Variants in LRBA observed in about 807,000 individuals in gnomAD.
The protein encoded by LRBA is LPS responsive beige-like anchor protein.
In LRBA, 176 loss-of-function variants were observed where a neutral mutation model predicts 330.0. The ratio of observed to expected loss-of-function variants is 0.53; its 90% confidence interval spans 0.47 to 0.60. The LOEUF is 0.60. LRBA is among the 20% of genes least tolerant of loss of function. The probability of loss-of-function intolerance (pLI) is 0.00; values close to 1 mark genes in which losing one functional copy is unlikely to be tolerated. For missense variants in LRBA, 3,259 were observed against 3,444.8 expected, an observed-to-expected ratio of 0.95 and a Z score of 1.35; for synonymous variants, 1,230 against 1,193.0, an observed-to-expected ratio of 1.03 and a Z score of -0.64.
Position 150,467,765 on chromosome 4 carries a change from T to G in LRBA, c.6688A>C (p.Asn2230His). Reference protein sequence around the residue: ...TIAGRSYNDLNQYPVFPWVIT... With the variant: ...TIAGRSYNDLHQYPVFPWVIT... Reference sequence around the variant, plus strand: ...ACCCAAGGAAACACTGGATACTGATTTAAGTCATTATAACTCCGTCCTGAT... The same window carrying G: ...ACCCAAGGAAACACTGGATACTGATGTAAGTCATTATAACTCCGTCCTGAT... The change falls in exon 44 of 57, where the codon AAT becomes CAT. Residue 2230 changes from asparagine to histidine, a missense_variant. By Grantham distance (68) the Asn-to-His change is moderately conservative. Transcript: ENST00000651943. 6.3e-7 allele frequency: 1 copy of G among 1,585,160 alleles called. No homozygotes were observed. Among genetic ancestry groups the G allele is most frequent in the Non-Finnish European group, 8.6e-7 (1 of 1,157,236 alleles).
At chr4:150,483,876 T>C (rs1344397328) in intron 42 of LRBA, among the ~76,000 whole-genome samples, 2 of 151,570 alleles carry the variant, frequency 1.3e-5, no homozygotes, top group Non-Finnish European at 2.9e-5. Flanking sequence ...TCTATATGTA[T>C]TTATTTTTTG....
intron 37 of LRBA, among the ~76,000 whole-genome samples, chr4:150,643,148 T>C (rs746061030): frequency 6.6e-6 from 1 of 151,858 alleles, no homozygotes; most frequent in Non-Finnish European, 1.5e-5. Context: ...AGGCTGGGCA[T>C]ATCTAAATGA....
At chr4:150,535,726 A>T (rs1223015560) in intron 40 of LRBA, among the ~76,000 whole-genome samples, 1 of 152,150 alleles carries the variant, frequency 6.6e-6, no homozygotes. Flanking sequence ...ACATTTTCCT[A>T]TGTTGTTTCC....
intron 36 of LRBA, among the ~76,000 whole-genome samples, chr4:150,728,037 A>C (rs896448857): frequency 6.6e-6 from 1 of 152,180 alleles, no homozygotes; most frequent in African/African-American, 2.4e-5. Flanking sequence ...ATTACAACTG[A>C]TACGGTAGAA....
chr4:150,559,739 ATATAT>A (rs1487834905), intron 40 of LRBA, among the ~76,000 whole-genome samples: 2 of 88,276 alleles, frequency 2.3e-5, no homozygotes, highest in Non-Finnish European at 4.1e-5. Flanking sequence ...ATATAATATA[ATATAT>A]AATATATATA....
chr4:150,437,970 T>C (rs1239040121), intron 44 of LRBA, among the ~76,000 whole-genome samples: 1 of 152,216 alleles, frequency 6.6e-6, no homozygotes, highest in African/African-American at 2.4e-5. Flanking sequence ...AAATTCTGTG[T>C]GATCAAGCCT....
chr4:150,949,704 T>C (rs1736620671), intron 2 of LRBA, among the ~76,000 whole-genome samples: 5 of 152,092 alleles, frequency 3.3e-5, no homozygotes, highest in Admixed American at 3.3e-4. Flanking sequence ...AAGAAAACTA[T>C]ATTAACCTAA....
intron 17 of LRBA, 76 bp downstream of exon 17, chr4:150,892,975 TA>T: frequency 1.1e-6 from 1 of 876,494 alleles, no homozygotes; most frequent in South Asian, 1.9e-5. Flanking sequence ...TAAGTTTAAA[TA>T]ATCCTTTTCA....
Position 150,852,337 on chromosome 4 carries a change from G to A in LRBA, c.3373C>T (p.Leu1125=), listed in dbSNP as rs138238756. 216 of 1,613,814 alleles carry A rather than the reference G, an allele frequency of 1.3e-4. No homozygotes were observed. The highest frequency in any genetic ancestry group is 1.6e-4 in the Non-Finnish European group (192 of 1,180,000). The change falls in exon 23 of 57, where the codon CTA becomes TTA. Residue 1125 remains leucine, a synonymous_variant. Coordinates refer to ENST00000651943, the MANE Select transcript of LRBA (RefSeq NM_001364905.1). ...CTGTTATCTTGGAGCTCTGTGGGTA[G>A]ATTAGCTTCCTCAGTAGGACTGCCT... The part of the protein sequence containing the change: ...VEGSPTEEAN[L]PTELQDNSLS...
rs761120687 is a variant in LRBA at position 150,849,469 on chromosome 4, C to T, written c.4111G>A (p.Ala1371Thr). 6.2e-7 allele frequency: 1 copy of T among 1,613,812 alleles called. No individual in the cohort carries two copies. The highest frequency in any genetic ancestry group is 8.5e-7 in the Non-Finnish European group (1 of 1,179,726). ...AGCAATGGCAGTATACCCCCACAAG[C>T]CATGACCATATTGTCCATCACTTGA... The part of the protein sequence containing the change: ...ISQVMDNMVM[A>T]CGGILPLLSA... Residue 1371 changes from alanine to threonine, a missense_variant, in exon 25 of 57, where the codon GCT becomes ACT. Physicochemically the swap from Ala to Thr is moderately conservative, Grantham distance 58. Coordinates refer to ENST00000651943, the MANE Select transcript of LRBA (RefSeq NM_001364905.1).
At chr4:150,380,029 A>T (rs1045215732) in intron 47 of LRBA, among the ~76,000 whole-genome samples, 4 of 136,416 alleles carry the variant, frequency 2.9e-5, no homozygotes, top group Non-Finnish European at 6.3e-5. Flanking sequence ...AAAAAAAAAA[A>T]TTAGCCAGGT....
chr4:150,528,367 G>C (rs1466562268), intron 40 of LRBA, among the ~76,000 whole-genome samples: 10 of 152,020 alleles, frequency 6.6e-5, no homozygotes, highest in Non-Finnish European at 1.3e-4. Flanking sequence ...CAGGCGTGGT[G>C]GTGGGCGCCT....
rs1560902517 is a variant in LRBA at position 150,844,095 on chromosome 4, C to G, written c.4569+5G>C. 5.2e-6 allele frequency: 8 copies of G among 1,543,850 alleles called. No individual in the cohort carries two copies. The highest frequency in any genetic ancestry group is 7.2e-6 in the Non-Finnish European group (8 of 1,118,100). ...AGAGTATGTGAAAGACATATTGTAA[C>G]TTACTATGTCTCTGAAAACAACTGC... On this transcript the variant is annotated splice_donor_5th_base_variant and intron_variant, in intron 28 of 56. Transcript: ENST00000651943.
At chr4:150,983,611 C>A (rs896764236) in intron 2 of LRBA, among the ~76,000 whole-genome samples, 1 of 151,928 alleles carries the variant, frequency 6.6e-6, no homozygotes, top group Non-Finnish European at 1.5e-5. Flanking sequence ...CGCCACCATA[C>A]CTGGCTAACT....
intron 17 of LRBA, among the ~76,000 whole-genome samples, chr4:150,885,719 G>T (rs1728880511): frequency 6.6e-6 from 1 of 152,072 alleles, no homozygotes; most frequent in African/African-American, 2.4e-5. Flanking sequence ...AAAAATGACT[G>T]ATGACATACA....
chr4:150,328,018 T>C (rs1581024679), intron 48 of LRBA, among the ~76,000 whole-genome samples: 1 of 152,144 alleles, frequency 6.6e-6, no homozygotes, highest in Admixed American at 6.5e-5. Context: ...TGGGTCCTTA[T>C]GGAAGCTATG....
intron 40 of LRBA, among the ~76,000 whole-genome samples, chr4:150,551,931 C>G (rs1328588185): frequency 6.6e-6 from 1 of 152,078 alleles, no homozygotes; most frequent in Non-Finnish European, 1.5e-5. Flanking sequence ...TCGTGGAAGA[C>G]AATTTTTCCA....
intron 37 of LRBA, among the ~76,000 whole-genome samples, chr4:150,646,295 G>T (rs1012729071): frequency 2.0e-5 from 3 of 152,136 alleles, no homozygotes; most frequent in Non-Finnish European, 4.4e-5. Flanking sequence ...ATAAATAACA[G>T]TTATTGCCAT....
intron 35 of LRBA, among the ~76,000 whole-genome samples, chr4:150,735,964 A>G (rs571569336): frequency 2.0e-5 from 3 of 152,300 alleles, no homozygotes; most frequent in Non-Finnish European, 4.4e-5. Flanking sequence ...ATTTAGGTTA[A>G]CTGGCAGCCA....
Sources: gnomAD v4.1 joint callset for allele counts (sites outside exome capture counted in the v4.1 genomes callset) on GRCh38, gnomAD v4.1.1 for gene constraint, MANE v1.5 for transcripts, NCBI Gene and HGNC (gene_info 2026-07-23, HGNC 2026-07-21) for gene names.